MAP7: variants seen among roughly 807,000 people sequenced by gnomAD.
MAP7 encodes the protein microtubule associated protein 7.
A neutral mutation model predicts 94.8 loss-of-function variants in MAP7; 52 were observed. That is an observed-to-expected ratio of 0.55 (90% CI 0.44 to 0.69). The LOEUF is 0.69. Among genes scored for constraint, MAP7 ranks in the 30% least tolerant of loss-of-function variants. MAP7 has a pLI of 0.00. For missense variants in MAP7, 940 were observed against 964.6 expected (o/e 0.97, Z 0.34); for synonymous variants, 350 against 357.0 (o/e 0.98, Z 0.22).
chr6:136,535,952 T>C (rs1022727252), intron 1 of MAP7, among the ~76,000 whole-genome samples: 23 of 151,884 alleles, frequency 1.5e-4, no homozygotes, highest in South Asian at 6.2e-4. Flanking sequence ...CGTGTCCAAG[T>C]GTTCTCACTG....
intron 1 of MAP7, among the ~76,000 whole-genome samples, chr6:136,522,367 A>G (rs1279480128): frequency 6.6e-6 from 1 of 152,112 alleles, no homozygotes; most frequent in African/African-American, 2.4e-5. Context: ...CTAGTCTGCC[A>G]TCTAAACAAA....
intron 1 of MAP7, among the ~76,000 whole-genome samples, chr6:136,467,945 T>C (rs144867414): frequency 0.012 from 1,810 of 152,310 alleles, 17 homozygotes; most frequent in South Asian, 0.017. Context: ...TCATGGTTTC[T>C]AAGACGCGTG....
chr6:136,434,200 G>A lies in MAP7; in HGVS notation c.68-12401C>T, dbSNP rs575792944. Among the ~76,000 whole-genome samples, 4 of 151,924 alleles carry A rather than the reference G, an allele frequency of 2.6e-5. No individual in the cohort carries two copies. In the South Asian group the frequency reaches 6.3e-4, roughly 24 times the overall value. On this transcript the variant is annotated intron_variant, in intron 1 of 17. Transcript: ENST00000354570. Reference sequence around the variant, plus strand: ...TGGGCGCCTGTAAACCCAGCTACTCGGGAGGCTGAGGCAGGAGAACCGCTT... The same window carrying A: ...TGGGCGCCTGTAAACCCAGCTACTCAGGAGGCTGAGGCAGGAGAACCGCTT...
At chr6:136,451,347 AG>A (rs1801052154) in intron 1 of MAP7, among the ~76,000 whole-genome samples, 1 of 152,232 alleles carries the variant, frequency 6.6e-6, no homozygotes, top group Non-Finnish European at 1.5e-5. Flanking sequence ...AAAAGGAACA[AG>A]AAAGCCTGGA....
rs571039301 is a variant in MAP7 at position 136,458,810 on chromosome 6, A to G, written c.68-37011T>C. Among the ~76,000 whole-genome samples the G allele has an allele frequency of 3.3e-5, 5 of 152,246 alleles. No individual in the cohort carries two copies. In the South Asian group the frequency reaches 1.0e-3, roughly 32 times the overall value. On this transcript the variant is annotated intron_variant, in intron 1 of 17. Transcript: ENST00000354570. The stretch of plus-strand genomic sequence containing the variant: ...CCTAAAAGTGTAAAACTTCTAGAAA[A>G]AAAGATAGGGAGAAGGTTCATGACA...
chr6:136,392,731 T>C (rs1348508992), intron 3 of MAP7, among the ~76,000 whole-genome samples: 5 of 152,196 alleles, frequency 3.3e-5, no homozygotes, highest in Admixed American at 1.3e-4. Context: ...TACCAATTTA[T>C]ATACCCACCA....
intron 3 of MAP7, among the ~76,000 whole-genome samples, chr6:136,405,921 A>G (rs966167775): frequency 4.0e-5 from 6 of 151,728 alleles, no homozygotes; most frequent in African/African-American, 1.5e-4. Flanking sequence ...TTATTATCTT[A>G]CTCCCTTCTT....
At chr6:136,425,372 A>T (rs778401664) in intron 1 of MAP7, among the ~76,000 whole-genome samples, 14 of 152,220 alleles carry the variant, frequency 9.2e-5, no homozygotes, top group Non-Finnish European at 1.8e-4. Context: ...GTGGACATAG[A>T]CTTGTGAGGA....
At chr6:136,475,226 G>A (rs2038080) in intron 1 of MAP7, among the ~76,000 whole-genome samples, 135,540 of 152,212 alleles carry the variant, frequency 0.89, 60,620 homozygotes, top group African/African-American at 0.98. Flanking sequence ...CTAGCACCCA[G>A]AATAATTTCC....
chr6:136,417,746 A>C (rs1789966201), intron 2 of MAP7, among the ~76,000 whole-genome samples: 1 of 152,172 alleles, frequency 6.6e-6, no homozygotes, highest in Admixed American at 6.5e-5. Context: ...CCATCCACGC[A>C]CCATGGCAGC....
At chr6:136,439,299 T>A (rs151075661) in intron 1 of MAP7, among the ~76,000 whole-genome samples, 2 of 152,264 alleles carry the variant, frequency 1.3e-5, no homozygotes, top group Non-Finnish European at 2.9e-5. Context: ...TTTCTGCACA[T>A]GAGGACACAG....
At chr6:136,398,607 T>G (rs1271373471) in intron 3 of MAP7, among the ~76,000 whole-genome samples, 1 of 152,180 alleles carries the variant, frequency 6.6e-6, no homozygotes, top group African/African-American at 2.4e-5. Flanking sequence ...TCTCAAGAGA[T>G]CTGAAGGTTT....
intron 1 of MAP7, among the ~76,000 whole-genome samples, chr6:136,458,535 T>C (rs923907421): frequency 1.3e-5 from 2 of 152,042 alleles, no homozygotes; most frequent in Admixed American, 1.3e-4. Flanking sequence ...TACAAAGCTA[T>C]AGTAATCCCA....
At chr6:136,451,158 G>A (rs540116598) in intron 1 of MAP7, among the ~76,000 whole-genome samples, 91 of 152,192 alleles carry the variant, frequency 6.0e-4, no homozygotes, top group African/African-American at 1.9e-3. Context: ...TTAAATCTGC[G>A]CAACAAACCT....
chr6:136,449,018 A>AAAG (rs371700774), intron 1 of MAP7, among the ~76,000 whole-genome samples: 113,586 of 143,418 alleles, frequency 0.79, 45,536 homozygotes, highest in South Asian at 0.86. Context: ...AAAAAAAAAA[A>AAAG]AAGAAGCAAG....
At chr6:136,468,948 G>C (rs557723882) in intron 1 of MAP7, among the ~76,000 whole-genome samples, 1 of 151,966 alleles carries the variant, frequency 6.6e-6, no homozygotes, top group African/African-American at 2.4e-5. Flanking sequence ...ACATTGTGTG[G>C]AGACAGTGCA....
intron 6 of MAP7, 134 bp from the exon 7 acceptor site, chr6:136,378,002 G>A: frequency 1.8e-6 from 1 of 570,312 alleles, no homozygotes; most frequent in South Asian, 2.4e-5. Context: ...GGTTGGCCAA[G>A]AGTCAGGGCA....
At position 136,346,022 on chromosome 6, in the gene MAP7, A is replaced by T. The variant is rs1306335294; in HGVS notation, c.2073T>A (p.Asn691Lys). ...NENGVSVQNE[N>K]FEEIINLPIG... The stretch of plus-strand genomic sequence containing the variant: ...TGGGTAAGTTTATAATTTCTTCAAA[A>T]TTTTCATTCTGAACAGATACACCAT... Residue 691 changes from asparagine (N) to lysine (K), a missense_variant, in exon 17 of 18, where the codon AAT becomes AAA. Physicochemically the swap from Asn to Lys is moderately conservative, Grantham distance 94 (BLOSUM62 0). Coordinates refer to ENST00000354570, the MANE Select transcript of MAP7 (RefSeq NM_003980.6). 6.2e-7 allele frequency: 1 copy of T among 1,613,878 alleles called. No individual in the cohort carries two copies. Among genetic ancestry groups the T allele is most frequent in the South Asian group, 1.1e-5 (1 of 91,078 alleles).
chr6:136,359,080 AG>A (rs2128556237), intron 15 of MAP7, among the ~76,000 whole-genome samples: 1 of 151,444 alleles, frequency 6.6e-6, no homozygotes, highest in South Asian at 2.1e-4. Flanking sequence ...TGATACAAAA[AG>A]GGCACTTAAT....
Sources: allele counts gnomAD v4.1 joint callset (sites outside exome capture counted in the v4.1 genomes callset), GRCh38; gene constraint gnomAD v4.1.1; transcripts MANE v1.5; gene names NCBI Gene and HGNC (gene_info 2026-07-23, HGNC 2026-07-21).